Variants in SULF2 observed in about 807,000 individuals in gnomAD.
The protein encoded by SULF2 is extracellular sulfatase Sulf-2.
Under a neutral mutation model 107.7 loss-of-function variants are expected in SULF2, and 52 were observed. The ratio of observed to expected loss-of-function variants is 0.48; its 90% confidence interval spans 0.39 to 0.61. The LOEUF is 0.61. SULF2 is among the 20% of genes least tolerant of loss of function. The pLI, the probability that SULF2 is intolerant of heterozygous loss-of-function variation, is 0.00. For synonymous variants in SULF2, 460 were observed against 464.3 expected, an observed-to-expected ratio of 0.99 and a Z score of 0.12; for missense variants, 993 against 1,177.3, an observed-to-expected ratio of 0.84 and a Z score of 2.29.
intron 3 of SULF2, among the ~76,000 whole-genome samples, chr20:47,729,178 G>A (rs2089528048): frequency 6.6e-6 from 1 of 152,248 alleles, no homozygotes; most frequent in South Asian, 2.1e-4. Context: ...CACTGTGAGT[G>A]GGTGCATGTC....
chr20:47,665,983 C>T lies in SULF2; in HGVS notation c.1806-30G>A, dbSNP rs75980077. On this transcript the variant is annotated intron_variant, in intron 12 of 20. Transcript: ENST00000688720. ...TTGAGAGAAGGGATCACGTGTGGCT[C>T]GGAGGTGGTGGAGGGGGAGCAGCCC... 822 of 1,609,398 alleles carry T rather than the reference C, an allele frequency of 5.1e-4. 2 individuals are homozygous for T. The African/African-American group carries it at 9.0e-3, about 18-fold the overall frequency.
rs755365394 is a variant in SULF2 at position 47,757,304 on chromosome 20, A to C, written c.60T>G (p.Gly20=). The change falls in exon 2 of 21, where the codon GGT becomes GGG. Residue 20 remains glycine, a synonymous_variant. Coordinates refer to ENST00000688720, the MANE Select transcript of SULF2 (RefSeq NM_001387048.1). ...GGTGCGACAGGAAGGCCGAGCTTCCACCCAGCAGGGAGAACACAGTTGCGG... is the reference window on the plus strand; with the variant it reads ...GGTGCGACAGGAAGGCCGAGCTTCCCCCCAGCAGGGAGAACACAGTTGCGG... ...LLSATVFSLL[G]GSSAFLSHHR... 1.0e-5 allele frequency: 16 copies of C among 1,599,644 alleles called. No individual in the cohort carries two copies. Among genetic ancestry groups the C allele is most frequent in the Admixed American group, 6.9e-5 (4 of 58,096 alleles).
Position 47,736,892 on chromosome 20 carries a change from C to A in SULF2, c.226G>T (p.Ala76Ser). Residue 76 changes from alanine to serine, a missense_variant, in exon 3 of 21, where the codon GCG becomes TCG. Ala to Ser is a moderately conservative substitution (Grantham distance 99). Coordinates refer to ENST00000688720, the MANE Select transcript of SULF2 (RefSeq NM_001387048.1). ...GTCACGAAGGCGTTGATGAAGTGCG[C>A]CCCGCCCTGCTCCATGATGCGCCGG... ...KTRRIMEQGG[A>S]HFINAFVTTP... 4 of 1,614,156 alleles carry A rather than the reference C, an allele frequency of 2.5e-6. No individual in the cohort carries two copies. Among genetic ancestry groups the A allele is most frequent in the Non-Finnish European group, 1.7e-6 (2 of 1,179,992 alleles).
At position 47,746,978 on chromosome 20, in the gene SULF2, TAAATA is replaced by T. The variant is rs1170971917; in HGVS notation, c.176-10041_176-10037del. Among the ~76,000 whole-genome samples, 181 of 51,220 alleles carry T rather than the reference TAAATA, an allele frequency of 3.5e-3. 1 individual carries two copies. Among genetic ancestry groups the T allele is most frequent in the African/African-American group, 0.011 (161 of 14,516 alleles). 33.6% of individuals were successfully genotyped at this position (51,220 alleles called of 152,430 possible). On this transcript the variant is annotated intron_variant, in intron 2 of 20. Coordinates refer to ENST00000688720, the MANE Select transcript of SULF2 (RefSeq NM_001387048.1). Reference sequence around the variant, plus strand: ...GTGCACATGTACCCTAGAACTTAAATAAATAAAAAAAAAAAAATATATATATATAT... The same window carrying T: ...GTGCACATGTACCCTAGAACTTAAATAAAAAAAAAAAATATATATATATAT...
rs995463377 is a variant in SULF2, at chr20:47,678,375, C to T, written c.1193+301G>A. On this transcript the variant is annotated intron_variant, in intron 8 of 20. Coordinates refer to ENST00000688720, the MANE Select transcript of SULF2 (RefSeq NM_001387048.1). This position sits in a 1 kb window ranked among gnomAD's most constrained non-coding sequence, Gnocchi z 4.5. ...CTTAGAATAGGGCCTCACACACAAG[C>T]GCCGTGCAGTTAGCACCATCTCCTA... is the stretch of plus-strand genomic sequence containing the variant. The T allele has an allele frequency of 2.1e-5, 7 of 336,532 alleles. No homozygotes were observed. Among genetic ancestry groups the T allele is most frequent in the East Asian group, 1.2e-4 (2 of 17,154 alleles). 20.8% of individuals were successfully genotyped at this position (336,532 alleles called of 1,614,324 possible).
intron 10 of SULF2, among the ~76,000 whole-genome samples, chr20:47,676,249 A>G (rs1311019049): frequency 6.6e-6 from 1 of 152,224 alleles, no homozygotes; most frequent in East Asian, 1.9e-4. Flanking sequence ...CGCTAAGGGC[A>G]TACACACACC....
At chr20:47,661,699 T>C (rs2087074313) in intron 18 of SULF2, 74 bp downstream of exon 18, 2 of 1,367,808 alleles carry the variant, frequency 1.5e-6, no homozygotes, top group East Asian at 2.6e-5. Flanking sequence ...ATTCTTGGGG[T>C]AGACACCACC....
Position 47,663,564 on chromosome 20 carries a change from T to C in SULF2, c.2116A>G (p.Lys706Glu). The C allele has an allele frequency of 6.2e-7, 1 of 1,611,888 alleles. No homozygotes were observed. Among genetic ancestry groups the C allele is most frequent in the Non-Finnish European group, 8.5e-7 (1 of 1,179,392 alleles). The change falls in exon 16 of 21, where the codon AAA (lysine) becomes GAA (glutamate). Residue 706 changes from lysine (K) to glutamate (E), a missense_variant. By Grantham distance (56) the Lys-to-Glu change is moderately conservative (BLOSUM62 1). Around this residue, in one of 3 missense-constraint regions of SULF2, gnomAD observed 497 missense variants for 544.1 expected, o/e 0.91. Coordinates refer to ENST00000688720, the MANE Select transcript of SULF2 (RefSeq NM_001387048.1). The stretch of plus-strand genomic sequence containing the variant: ...AGGCGCTTGAGCAGCTTGCGGAGTT[T>C]CTTCTTGCGCTTCTGCTCCCGCAAC... ...WLLREQKRKK[K>E]LRKLLKRLQN...
At chr20:47,676,433 C>A (rs2087641930) in intron 10 of SULF2, 61 bp downstream of exon 10, 1 of 1,567,470 alleles carries the variant, frequency 6.4e-7, no homozygotes. Context: ...CAGAGCCTCG[C>A]AGGTCAGGGC....
chr20:47,746,856 G>A (rs1427215457), intron 2 of SULF2, among the ~76,000 whole-genome samples: 1 of 151,422 alleles, frequency 6.6e-6, no homozygotes, highest in Admixed American at 6.6e-5. Flanking sequence ...GAGAGGGGAG[G>A]GATAGCATTA....
intron 1 of SULF2, among the ~76,000 whole-genome samples, chr20:47,782,262 T>C (rs764466553): frequency 2.0e-5 from 3 of 152,210 alleles, no homozygotes; most frequent in Non-Finnish European, 2.9e-5. Context: ...CCAGCGCTTC[T>C]TCCCCTTTAG....
In SULF2 at chr20:47,690,298, G is replaced by T. The variant is rs1214804159; in HGVS notation, c.568-3C>A. On this transcript the variant is annotated splice_polypyrimidine_tract_variant and splice_region_variant and intron_variant, in intron 4 of 20. Transcript: ENST00000688720. ...GTGATGAGGTCTGTGAGGTAATCCT[G>T]GGGGGTGGGGAGAGACAGGAGAACA... is the stretch of plus-strand genomic sequence containing the variant. 13 of 1,467,622 alleles carry T rather than the reference G, an allele frequency of 8.9e-6. No individual in the cohort carries two copies. The highest frequency in any genetic ancestry group is 1.1e-5 in the Non-Finnish European group (12 of 1,100,536). The allele number at this position is 1,467,622 out of a possible 1,614,324, so 90.9% of individuals were successfully genotyped here.
intron 2 of SULF2, among the ~76,000 whole-genome samples, chr20:47,743,748 A>C (rs771346644): frequency 2.6e-5 from 4 of 151,992 alleles, no homozygotes; most frequent in Non-Finnish European, 4.4e-5. Flanking sequence ...CCGGATGCTC[A>C]CTCGCCCCAA....
intron 4 of SULF2, among the ~76,000 whole-genome samples, chr20:47,698,076 G>A (rs1276920316): frequency 6.6e-6 from 1 of 152,250 alleles, no homozygotes; most frequent in African/African-American, 2.4e-5. Context: ...GGCCGGGGGC[G>A]GCTTCTGCCA....
rs1161399275 is a variant in SULF2, at chr20:47,678,802, T to A, written c.1067A>T (p.Asn356Ile). 6.2e-7 allele frequency: 1 copy of A among 1,613,064 alleles called. No homozygotes were observed. The highest frequency in any genetic ancestry group is 1.3e-5 in the African/African-American group (1 of 74,886). ...RGPNVEAGCL[N>I]PHIVLNIDLA... ...GTCAATGTTGAGGACGATGTGGGGA[T>A]TCCTGGGGGAGGCAGGAGATCGGGG... Residue 356 changes from asparagine (N) to isoleucine (I), a missense_variant and splice_region_variant, in exon 8 of 21, where the codon AAT (asparagine) becomes ATT (isoleucine). This residue lies in a region of SULF2 where 108 missense variants were observed against 183.9 expected (regional missense o/e 0.59). Transcript: ENST00000688720. The surrounding 1 kb of genome is among the most constrained non-coding windows in gnomAD (Gnocchi z 4.5).
chr20:47,725,825 TC>T (rs1309366002), intron 3 of SULF2, among the ~76,000 whole-genome samples: 1 of 152,162 alleles, frequency 6.6e-6, no homozygotes, highest in Non-Finnish European at 1.5e-5. Context: ...GAAGCCCCGC[TC>T]CCGGCCTCGG....
chr20:47,678,232 G>A lies in SULF2; in HGVS notation c.1193+444C>T, dbSNP rs115494353. ...CATCCAGACTTGCTGGGATACCTCC[G>A]ACACGTCACTCAATCGCTTTGGGAT... On this transcript the variant is annotated intron_variant, in intron 8 of 20. Coordinates refer to ENST00000688720, the MANE Select transcript of SULF2 (RefSeq NM_001387048.1). This position sits in a 1 kb window ranked among gnomAD's most constrained non-coding sequence, Gnocchi z 4.5. 311 of 158,158 alleles carry A rather than the reference G, an allele frequency of 2.0e-3. 1 individual carries two copies. The highest frequency in any genetic ancestry group is 7.3e-3 in the African/African-American group (304 of 41,718). 9.8% of individuals were successfully genotyped at this position (158,158 alleles called of 1,614,324 possible).
intron 3 of SULF2, among the ~76,000 whole-genome samples, chr20:47,731,182 C>CTTTTTT (rs1342480404): frequency 1.7e-4 from 17 of 99,604 alleles, no homozygotes; most frequent in African/African-American, 5.9e-4. Flanking sequence ...TCACCTGTAT[C>CTTTTTT]TTCTCTTTTT....
chr20:47,705,472 T>G (rs1216592942), intron 3 of SULF2, among the ~76,000 whole-genome samples: 1 of 152,010 alleles, frequency 6.6e-6, no homozygotes, highest in East Asian at 1.9e-4. Context: ...ACTGATGGAG[T>G]GGAGGCAGCA....
Sources: allele counts gnomAD v4.1 joint callset (sites outside exome capture counted in the v4.1 genomes callset), GRCh38; gene constraint gnomAD v4.1.1; regional missense constraint gnomAD v4.1.1; non-coding constraint Gnocchi (gnomAD v3.1); transcripts MANE v1.5; gene names NCBI Gene and HGNC (gene_info 2026-07-23, HGNC 2026-07-21).